The following NPAS3 variants were observed in gnomAD, a reference collection of about 807,000 sequenced individuals.
The protein encoded by NPAS3 is neuronal PAS domain-containing protein 3.
NPAS3 carries 14 observed loss-of-function variants against 73.1 expected under a neutral mutation model. The observed-to-expected ratio is 0.19, with a 90% confidence interval of 0.13 to 0.30. The LOEUF is 0.30. Among genes scored for constraint, NPAS3 ranks in the 10% least tolerant of loss-of-function variants. The pLI, the probability that NPAS3 is intolerant of heterozygous loss-of-function variation, is 1.00. For synonymous variants in NPAS3, 620 were observed against 541.5 expected (o/e 1.14, Z -2.01); for missense variants, 1,096 against 1,250.0 (o/e 0.88, Z 1.86).
At chr14:33,417,629 TTAG>T (rs1355306742) in intron 4 of NPAS3, among the ~76,000 whole-genome samples, 1 of 152,022 alleles carries the variant, frequency 6.6e-6, no homozygotes, top group East Asian at 1.9e-4. Flanking sequence ...TGTTGCCATA[TTAG>T]ACATTACCTC....
intron 1 of NPAS3, among the ~76,000 whole-genome samples, chr14:32,992,124 C>G (rs2038359884): frequency 2.6e-5 from 4 of 152,180 alleles, no homozygotes; most frequent in Admixed American, 2.6e-4. Context: ...ATGCTGCCAT[C>G]TGCACATGGA....
At chr14:33,647,853 A>T (rs747351941) in intron 5 of NPAS3, among the ~76,000 whole-genome samples, 3 of 152,202 alleles carry the variant, frequency 2.0e-5, no homozygotes, top group Admixed American at 6.5e-5. Context: ...ATATACTCAG[A>T]TAAACATGTA....
chr14:33,188,821 A>G (rs987365947), intron 2 of NPAS3, among the ~76,000 whole-genome samples: 3 of 152,188 alleles, frequency 2.0e-5, no homozygotes, highest in Non-Finnish European at 4.4e-5. Context: ...ACTGTGGGTT[A>G]TGATAAAAAC....
chr14:33,411,134 A>T (rs1309911104), intron 4 of NPAS3, among the ~76,000 whole-genome samples: 1 of 152,196 alleles, frequency 6.6e-6, no homozygotes, highest in African/African-American at 2.4e-5. Flanking sequence ...TTTCTCAAAC[A>T]GGGACTGTGA....
intron 3 of NPAS3, among the ~76,000 whole-genome samples, chr14:33,321,998 G>A (rs906203775): frequency 2.0e-5 from 3 of 152,128 alleles, no homozygotes; most frequent in Non-Finnish European, 2.9e-5. Context: ...TGAGCCAGTC[G>A]GGTTTTGTGA....
chr14:33,147,574 G>C (rs1049473414), intron 2 of NPAS3, among the ~76,000 whole-genome samples: 2 of 150,680 alleles, frequency 1.3e-5, no homozygotes, highest in Non-Finnish European at 2.9e-5. Context: ...CACACACCGG[G>C]GCCTGTTGTG....
chr14:33,197,803 G>A (rs1244926588), intron 2 of NPAS3, among the ~76,000 whole-genome samples: 1 of 152,210 alleles, frequency 6.6e-6, no homozygotes, highest in Non-Finnish European at 1.5e-5. Context: ...AATCTCTTAT[G>A]TGTTCTCTTT....
intron 5 of NPAS3, among the ~76,000 whole-genome samples, chr14:33,625,894 CTT>C (rs1417531633): frequency 2.6e-5 from 4 of 152,278 alleles, no homozygotes; most frequent in South Asian, 2.1e-4. Context: ...TAAAAGTAAA[CTT>C]TATTTTCTCC....
At chr14:33,450,102 GAGGACA>G (rs1193069792) in intron 4 of NPAS3, among the ~76,000 whole-genome samples, 1 of 152,196 alleles carries the variant, frequency 6.6e-6, no homozygotes, top group Non-Finnish European at 1.5e-5. Flanking sequence ...ATTACATGGT[GAGGACA>G]AGTTCTCATT....
chr14:33,356,173 C>A (rs1249702985), intron 3 of NPAS3, among the ~76,000 whole-genome samples: 1 of 152,196 alleles, frequency 6.6e-6, no homozygotes, highest in East Asian at 1.9e-4. Context: ...CTGAACTTGC[C>A]ACACTGAAGA....
chr14:32,966,802 A>G (rs1294122474), intron 1 of NPAS3, among the ~76,000 whole-genome samples: 1 of 150,942 alleles, frequency 6.6e-6, no homozygotes, highest in East Asian at 1.9e-4. Flanking sequence ...AAAAAAAAGA[A>G]CCCAAATTAT....
chr14:33,787,818 T>C lies in NPAS3; in HGVS notation c.1154-6079T>C, dbSNP rs2063225712. ...GTGTTTCTCCTGTGGGTTTTGAAAA[T>C]GACCTTCCTGTAAGCCTCAAGGACT... On this transcript the variant is annotated intron_variant, in intron 9 of 11. Transcript: ENST00000356141. Among the ~76,000 whole-genome samples, 2 of 152,324 alleles carry C rather than the reference T, an allele frequency of 1.3e-5. 1 individual carries two copies. The highest frequency in any genetic ancestry group is 6.8e-3 in the Middle Eastern group (2 of 294).
intron 6 of NPAS3, among the ~76,000 whole-genome samples, chr14:33,685,315 A>G (rs2060059600): frequency 6.6e-6 from 1 of 152,204 alleles, no homozygotes; most frequent in Admixed American, 6.5e-5. Context: ...TGGCAGAGCT[A>G]TCTCAGGCTT....
chr14:33,195,686 C>T (rs996655747), intron 2 of NPAS3, among the ~76,000 whole-genome samples: 3 of 152,244 alleles, frequency 2.0e-5, no homozygotes, highest in Non-Finnish European at 4.4e-5. Flanking sequence ...GTTTTGTGCT[C>T]TGCCTTATCA....
chr14:33,336,176 TG>T (rs1437739803), intron 3 of NPAS3, among the ~76,000 whole-genome samples: 1 of 152,228 alleles, frequency 6.6e-6, no homozygotes, highest in Non-Finnish European at 1.5e-5. Flanking sequence ...TCTGTTGCTG[TG>T]TAACAAATTA....
intron 3 of NPAS3, among the ~76,000 whole-genome samples, chr14:33,280,289 A>G (rs960960208): frequency 4.8e-4 from 73 of 152,320 alleles, no homozygotes; most frequent in African/African-American, 1.7e-3. Flanking sequence ...CTTGGAAAAA[A>G]GTAATGTTCA....
chr14:33,294,088 G>A (rs188120020), intron 3 of NPAS3, among the ~76,000 whole-genome samples: 42 of 152,216 alleles, frequency 2.8e-4, no homozygotes, highest in African/African-American at 9.6e-4. Context: ...AACTGAGGAG[G>A]GAAAGCTTGC....
Position 33,800,332 on chromosome 14 carries a change from G to A in NPAS3, c.2025G>A (p.Arg675=), listed in dbSNP as rs2063659555. The A allele has an allele frequency of 3.1e-6, 5 of 1,613,150 alleles. No homozygotes were observed. Among genetic ancestry groups the A allele is most frequent in the Non-Finnish European group, 4.2e-6 (5 of 1,179,592 alleles). Residue 675 remains arginine, a synonymous_variant, in exon 12 of 12, where the codon AGG becomes AGA. Coordinates refer to ENST00000356141, the Ensembl canonical transcript of NPAS3. The surrounding 1 kb of genome is among the most constrained non-coding windows in gnomAD (Gnocchi z 6.5). ...ACCCGCCCAACCGGGAGATCTCCAG[G>A]AACGAGTCCCCCTACAGCATGACCA...
intron 6 of NPAS3, among the ~76,000 whole-genome samples, chr14:33,682,059 C>T (rs2059954337): frequency 6.6e-6 from 1 of 151,848 alleles, no homozygotes; most frequent in African/African-American, 2.4e-5. Context: ...CAATGAAATT[C>T]CTGCTTTCCA....
Sources: allele counts gnomAD v4.1 joint callset (sites outside exome capture counted in the v4.1 genomes callset), GRCh38; gene constraint gnomAD v4.1.1; non-coding constraint Gnocchi (gnomAD v3.1); transcripts MANE v1.5; gene names NCBI Gene and HGNC (gene_info 2026-07-23, HGNC 2026-07-21).